The following QTMAN variants were observed in gnomAD, a reference collection of about 807,000 sequenced individuals.
QTMAN encodes the protein tRNA-queuosine alpha-mannosyltransferase.
chr2:144,058,143 C>CAA, the QTMAN span, among the ~76,000 whole-genome samples: 1 of 132,968 alleles, frequency 7.5e-6, no homozygotes, highest in Non-Finnish European at 1.5e-5. Flanking sequence ...AACACACACA[C>CAA]ACACACACAC....
At chr2:144,267,734 A>G in the QTMAN span, among the ~76,000 whole-genome samples, 1 of 152,262 alleles carries the variant, frequency 6.6e-6, no homozygotes, top group Non-Finnish European at 1.5e-5. Context: ...TTTAAGTAGT[A>G]AAACAGATGA....
the QTMAN span, among the ~76,000 whole-genome samples, chr2:144,202,099 T>C: frequency 6.6e-6 from 1 of 151,948 alleles, no homozygotes; most frequent in African/African-American, 2.4e-5. Flanking sequence ...AACAACAGAA[T>C]AGTATAAATA....
At chr2:144,095,626 G>C in the QTMAN span, among the ~76,000 whole-genome samples, 1 of 152,082 alleles carries the variant, frequency 6.6e-6, no homozygotes, top group Non-Finnish European at 1.5e-5. Context: ...GAAAACGCTG[G>C]TATGCTTTTG....
chr2:144,273,787 A>T, the QTMAN span, among the ~76,000 whole-genome samples: 1 of 152,198 alleles, frequency 6.6e-6, no homozygotes. Context: ...CTCTCCAAAC[A>T]GAAGACTTCA....
chr2:144,048,911 A>G, the QTMAN span, among the ~76,000 whole-genome samples: 1 of 152,204 alleles, frequency 6.6e-6, no homozygotes, highest in Non-Finnish European at 1.5e-5. Flanking sequence ...TAAAGTGATG[A>G]GGTAGCTAAA....
chr2:144,332,200 G>A, the QTMAN span, among the ~76,000 whole-genome samples: 18 of 152,026 alleles, frequency 1.2e-4, no homozygotes, highest in African/African-American at 3.6e-4. Context: ...CATTCCGAGC[G>A]CGGTGCGGAC....
the QTMAN span, among the ~76,000 whole-genome samples, chr2:144,256,003 T>C: frequency 7.2e-5 from 11 of 152,158 alleles, no homozygotes; most frequent in African/African-American, 2.7e-4. Flanking sequence ...TCTTAAAAAA[T>C]AAAGTCTATT....
the QTMAN span, among the ~76,000 whole-genome samples, chr2:144,314,548 T>TA: frequency 6.6e-6 from 1 of 151,904 alleles, no homozygotes; most frequent in Non-Finnish European, 1.5e-5. Context: ...CCGTCTCTAC[T>TA]AAAAAATACA....
At chr2:144,019,836 C>G in the QTMAN span, among the ~76,000 whole-genome samples, 2 of 152,106 alleles carry the variant, frequency 1.3e-5, no homozygotes, top group Non-Finnish European at 2.9e-5. Flanking sequence ...GATTCACCTT[C>G]TAGGAAATTA....
chr2:143,976,604 T>C, the QTMAN span, among the ~76,000 whole-genome samples: 1 of 152,152 alleles, frequency 6.6e-6, no homozygotes, highest in African/African-American at 2.4e-5. Flanking sequence ...GGGATCAGCT[T>C]TGGTTTCCCT....
At chr2:144,029,415 T>C in the QTMAN span, among the ~76,000 whole-genome samples, 1 of 152,234 alleles carries the variant, frequency 6.6e-6, no homozygotes. Context: ...CTACTGTTCA[T>C]GGTAGGGTTC....
chr2:144,046,586 A>T, the QTMAN span, among the ~76,000 whole-genome samples: 1 of 152,226 alleles, frequency 6.6e-6, no homozygotes, highest in South Asian at 2.1e-4. Context: ...CTTCTGCAGC[A>T]CTATTAAATG....
At chr2:144,173,086 C>A in the QTMAN span, among the ~76,000 whole-genome samples, 2 of 152,078 alleles carry the variant, frequency 1.3e-5, no homozygotes, top group Non-Finnish European at 2.9e-5. Context: ...TGCTTCACTA[C>A]CCCTTAAAAT....
chr2:144,127,196 G>T, the QTMAN span, among the ~76,000 whole-genome samples: 1 of 151,934 alleles, frequency 6.6e-6, no homozygotes, highest in African/African-American at 2.4e-5. Flanking sequence ...TACATATAAT[G>T]ATATGAATAG....
chr2:144,056,911 T>C, the QTMAN span, among the ~76,000 whole-genome samples: 2 of 152,234 alleles, frequency 1.3e-5, no homozygotes, highest in African/African-American at 2.4e-5. Context: ...TGTATTCCAA[T>C]AAAACATTTT....
chr2:143,952,875 T>C, the QTMAN span: 1 of 1,325,832 alleles, frequency 7.5e-7, no homozygotes, highest in Non-Finnish European at 1.1e-6. Context: ...GGTAAGAATA[T>C]ATTAAAAAGA....
the QTMAN span, among the ~76,000 whole-genome samples, chr2:144,240,416 C>T: frequency 2.0e-5 from 3 of 152,168 alleles, no homozygotes; most frequent in Non-Finnish European, 4.4e-5. Context: ...TAATCTACGA[C>T]ATTTTTACTT....
the QTMAN span, among the ~76,000 whole-genome samples, chr2:144,041,882 G>C: frequency 5.9e-5 from 9 of 152,178 alleles, no homozygotes; most frequent in Non-Finnish European, 1.3e-4. Context: ...AGAGAGGAAG[G>C]TCTGTTTGAG....
the QTMAN span, among the ~76,000 whole-genome samples, chr2:144,266,174 G>A: frequency 8.5e-5 from 13 of 152,278 alleles, no homozygotes; most frequent in Non-Finnish European, 1.5e-4. Context: ...GAGGGTTACT[G>A]GAGAAAATGA....
Sources: gnomAD v4.1 joint callset for allele counts (sites outside exome capture counted in the v4.1 genomes callset) on GRCh38, gnomAD v4.1.1 for gene constraint, MANE v1.5 for transcripts, NCBI Gene and HGNC (gene_info 2026-07-23, HGNC 2026-07-21) for gene names.